Variants in CYP4V2 observed in about 807,000 individuals in gnomAD.
CYP4V2 encodes cytochrome P450 4V2.
Under a neutral mutation model 60.8 loss-of-function variants are expected in CYP4V2, and 55 were observed. That is an observed-to-expected ratio of 0.90 (90% CI 0.73 to 1.13). The LOEUF is 1.13. Among genes scored for constraint, CYP4V2 ranks in the 50% most tolerant of loss-of-function variants. The probability of loss-of-function intolerance (pLI) is 0.00; values close to 1 mark genes in which losing one functional copy is unlikely to be tolerated. For synonymous variants in CYP4V2, 239 were observed against 236.8 expected, an observed-to-expected ratio of 1.01 and a Z score of -0.08; for missense variants, 675 against 662.9, an observed-to-expected ratio of 1.02 and a Z score of -0.20.
At position 186,209,599 on chromosome 4, in the gene CYP4V2, C is replaced by T. The variant is rs757458493; in HGVS notation, c.1405+327C>T. ...AGGGCTGGTTTCTCCTGAGGCCTCT[C>T]TCCGTGGCTTGTAGATGCCATTTTC... On this transcript the variant is annotated intron_variant, in intron 10 of 10. Coordinates refer to ENST00000378802, the MANE Select transcript of CYP4V2 (RefSeq NM_207352.4). 1.3e-3 allele frequency among the ~76,000 whole-genome samples: 197 copies of T among 152,272 alleles called. 4 individuals carry two copies. Among genetic ancestry groups the T allele is most frequent in the Non-Finnish European group, 3.5e-4 (24 of 68,020 alleles).
chr4:186,201,437 T>C (rs1736304882), intron 7 of CYP4V2, 95 bp downstream of exon 7: 3 of 1,341,528 alleles, frequency 2.2e-6, no homozygotes, highest in South Asian at 1.3e-5. Context: ...AATTTTAAAG[T>C]AGTTTAACTA....
rs143621718 is a variant in CYP4V2 at position 186,199,500 on chromosome 4, G to C, written c.801+417G>C. Among the ~76,000 whole-genome samples, 75 of 152,316 alleles carry C rather than the reference G, an allele frequency of 4.9e-4. No individual in the cohort carries two copies. The Middle Eastern group carries it at 0.01, about 21-fold the overall frequency. On this transcript the variant is annotated intron_variant, in intron 6 of 10. Coordinates refer to ENST00000378802, the MANE Select transcript of CYP4V2 (RefSeq NM_207352.4). ...CTGAAAGGAAGTTATTCTAGTAGGA[G>C]AGGTGATCTATCAACACATAATTAC...
intron 2 of CYP4V2, 59 bp downstream of exon 2, chr4:186,194,671 A>C: frequency 9.9e-5 from 143 of 1,447,828 alleles, no homozygotes; most frequent in Non-Finnish European, 1.3e-4. Flanking sequence ...TGAGAATCTC[A>C]CCAGAATCAA....
At chr4:186,197,233 G>C in intron 4 of CYP4V2, 103 bp downstream of exon 4, 1 of 1,396,726 alleles carries the variant, frequency 7.2e-7, no homozygotes, top group Admixed American at 1.7e-5. Flanking sequence ...ACGGGAAAGG[G>C]TGACGGGCTC....
At chr4:186,207,999 C>T (rs924774085) in intron 8 of CYP4V2, among the ~76,000 whole-genome samples, 3 of 152,210 alleles carry the variant, frequency 2.0e-5, no homozygotes, top group Non-Finnish European at 4.4e-5. Flanking sequence ...GCATCCCCTG[C>T]CTTGATCCAC....
rs1736293111 is a variant in CYP4V2, at chr4:186,201,159, C to A, written c.804C>A (p.Val268=). The change falls in exon 7 of 11, where the codon GTC becomes GTA. Residue 268 remains valine (V), a splice_region_variant and synonymous_variant. Coordinates refer to ENST00000378802, the MANE Select transcript of CYP4V2 (RefSeq NM_207352.4). Reference sequence around the variant, plus strand: ...TGATTATCATTCAAATCATACAGGTCATCGCTGAACGGGCCAATGAAATGA... The same window carrying A: ...TGATTATCATTCAAATCATACAGGTAATCGCTGAACGGGCCAATGAAATGA... ...LQILHTFTNS[V]IAERANEMNA... 1.9e-6 allele frequency: 3 copies of A among 1,613,816 alleles called. No individual in the cohort carries two copies. In the East Asian group the frequency reaches 6.7e-5, roughly 36 times the overall value.
At chr4:186,196,213 GA>G in intron 3 of CYP4V2, 125 bp downstream of exon 3, 1 of 875,924 alleles carries the variant, frequency 1.1e-6, no homozygotes, top group Non-Finnish European at 1.8e-6. Flanking sequence ...GAAAGGAGGA[GA>G]AAGGCTGGAA....
chr4:186,197,237 C>CG, intron 4 of CYP4V2, 107 bp downstream of exon 4: 2 of 1,376,096 alleles, frequency 1.5e-6, no homozygotes, highest in Non-Finnish European at 2.0e-6. Flanking sequence ...GAAAGGGTGA[C>CG]GGGCTCTTCA....
chr4:186,208,466 C>T (rs544524806), intron 8 of CYP4V2, among the ~76,000 whole-genome samples: 53 of 151,254 alleles, frequency 3.5e-4, no homozygotes, highest in African/African-American at 1.0e-3. Flanking sequence ...ACATGTTCTT[C>T]TTTGAAGGGT....
chr4:186,206,084 C>G (rs1404757008), intron 8 of CYP4V2, among the ~76,000 whole-genome samples: 1 of 152,248 alleles, frequency 6.6e-6, no homozygotes, highest in African/African-American at 2.4e-5. Context: ...CACTCCTTGT[C>G]TCTTCAGCTT....
chr4:186,213,371 G>A lies in CYP4V2; in HGVS notation c.*2730G>A, dbSNP rs1005389524. 1.3e-5 allele frequency: 2 copies of A among 152,198 alleles called. No homozygotes were observed. The highest frequency in any genetic ancestry group is 4.8e-5 in the African/African-American group (2 of 41,448). The allele number at this position is 152,198 out of a possible 1,614,324, so 9.4% of individuals were successfully genotyped here. A position where few individuals can be genotyped will look rare whatever the true frequency, so the allele number is the denominator to read the frequency against. On this transcript the variant is annotated 3_prime_UTR_variant, in exon 11 of 11. Transcript: ENST00000378802. ...GGTACTGCATTTTATTCTAAGAATT[G>A]ATATCAATTCAAAACATAGAAAACT...
At chr4:186,209,048 T>C (rs932415821) in intron 9 of CYP4V2, 45 bp from the exon 10 acceptor site, 2 of 1,614,060 alleles carry the variant, frequency 1.2e-6, no homozygotes, top group Non-Finnish European at 1.7e-6. Context: ...CTTTCTAATG[T>C]CTACCTTGCT....
At chr4:186,203,748 T>G (rs1218069742) in intron 7 of CYP4V2, 1 of 152,144 alleles carries the variant, frequency 6.6e-6, no homozygotes, top group African/African-American at 2.4e-5. Flanking sequence ...TCCGAGTAGG[T>G]TTTGTAACTG....
At chr4:186,192,568 A>G (rs1332869940) in intron 1 of CYP4V2, among the ~76,000 whole-genome samples, 1 of 152,212 alleles carries the variant, frequency 6.6e-6, no homozygotes. Context: ...CATAATAACA[A>G]TTAAGAGACG....
intron 1 of CYP4V2, 79 bp downstream of exon 1, chr4:186,192,116 G>A: frequency 6.7e-7 from 1 of 1,499,906 alleles, no homozygotes. Flanking sequence ...GGAACCCGCT[G>A]CTTGTGGCGC....
chr4:186,197,101 TC>T lies in CYP4V2; in HGVS notation c.576del (p.Thr193LeufsTer5). On this transcript the variant is annotated frameshift_variant, in exon 4 of 11. Coordinates refer to ENST00000378802, the MANE Select transcript of CYP4V2 (RefSeq NM_207352.4). LOFTEE classifies it high-confidence loss of function. Reference protein sequence around the residue: ...NQEAFNCFFYITLCALDIICE... With the variant: ...NQEAFNCFFYXTLCALDIICE... ...GAAGCATTTAACTGCTTTTTTTACA[TC>T]ACTCTTTGTGCCTTAGATATCATCT... is the stretch of plus-strand genomic sequence containing the variant. The T allele has an allele frequency of 6.2e-7, 1 of 1,613,970 alleles. No individual in the cohort carries two copies. Among genetic ancestry groups the T allele is most frequent in the Non-Finnish European group, 8.5e-7 (1 of 1,180,032 alleles).
At chr4:186,209,321 G>A (rs1475457391) in intron 10 of CYP4V2, 49 bp downstream of exon 10, 1 of 1,610,362 alleles carries the variant, frequency 6.2e-7, no homozygotes, top group African/African-American at 1.3e-5. Flanking sequence ...ACTTGATGGT[G>A]GGTTTCTCAC....
At chr4:186,200,941 G>C (rs1482756037) in intron 6 of CYP4V2, among the ~76,000 whole-genome samples, 1 of 152,034 alleles carries the variant, frequency 6.6e-6, no homozygotes, top group Non-Finnish European at 1.5e-5. Context: ...TTAGGAATTT[G>C]CGTGACATTA....
intron 8 of CYP4V2, 109 bp downstream of exon 8, chr4:186,205,411 T>C: frequency 1.8e-6 from 2 of 1,084,954 alleles, no homozygotes; most frequent in Non-Finnish European, 2.8e-6. Context: ...CACGGGATCC[T>C]TTCCAGTACC....
Sources: allele counts gnomAD v4.1 joint callset (sites outside exome capture counted in the v4.1 genomes callset), GRCh38; gene constraint gnomAD v4.1.1; transcripts MANE v1.5; gene names NCBI Gene and HGNC (gene_info 2026-07-23, HGNC 2026-07-21).